LRRC36: variants seen among roughly 807,000 people sequenced by gnomAD.
LRRC36 encodes the protein leucine rich repeat containing 36.
Under a neutral mutation model 81.1 loss-of-function variants are expected in LRRC36, and 62 were observed. The ratio of observed to expected loss-of-function variants is 0.76; its 90% confidence interval spans 0.62 to 0.94. The LOEUF (loss-of-function observed/expected upper bound fraction) is 0.94. Ranked by LOEUF, LRRC36 falls within the 40% of genes least tolerant of loss-of-function variation. The pLI, the probability that LRRC36 is intolerant of heterozygous loss-of-function variation, is 0.00. For synonymous variants in LRRC36, 334 were observed against 348.6 expected, an observed-to-expected ratio of 0.96 and a Z score of 0.47; for missense variants, 761 against 881.7, an observed-to-expected ratio of 0.86 and a Z score of 1.73.
intron 1 of LRRC36, among the ~76,000 whole-genome samples, chr16:67,329,183 A>T (rs539152325): frequency 6.6e-6 from 1 of 152,312 alleles, no homozygotes; most frequent in Admixed American, 6.5e-5. Context: ...AGTTGGGATT[A>T]TAAGTGCAAG....
At chr16:67,346,145 G>T in intron 2 of LRRC36, 111 bp from the exon 3 acceptor site, 1 of 690,528 alleles carries the variant, frequency 1.4e-6, no homozygotes, top group Non-Finnish European at 2.3e-6. Context: ...TTCTCACGGG[G>T]ACTTGGATAA....
chr16:67,341,056 C>CAT (rs1372626536), intron 1 of LRRC36, among the ~76,000 whole-genome samples: 12 of 115,306 alleles, frequency 1.0e-4, no homozygotes, highest in African/African-American at 3.4e-4. Flanking sequence ...ATGTACTCTA[C>CAT]ATATTCTATA....
In LRRC36 at chr16:67,375,386, CCCT is replaced by C. The variant is rs2039849204; in HGVS notation, c.1642_1644del (p.Leu548del). 1 of 1,586,428 alleles carries C rather than the reference CCCT, an allele frequency of 6.3e-7. No homozygotes were observed. Among genetic ancestry groups the C allele is most frequent in the Non-Finnish European group, 8.5e-7 (1 of 1,172,428 alleles). ...GATAAGCACTGGAATGGCTCCGGCT[CCCT>C]CCTCCTCAACAAGAAGTTTCTCGGT... On this transcript the variant is annotated inframe_deletion, in exon 10 of 14. Transcript: ENST00000329956.
intron 5 of LRRC36, among the ~76,000 whole-genome samples, chr16:67,360,536 T>C (rs16957349): frequency 0.089 from 13,494 of 152,238 alleles, 987 homozygotes; most frequent in African/African-American, 0.21. Flanking sequence ...CAACTAGCAG[T>C]TTCTGCTTCA....
In LRRC36 at chr16:67,371,113, G is replaced by T; in HGVS notation, c.1365G>T (p.Gly455=). 1 of 1,614,220 alleles carries T rather than the reference G, an allele frequency of 6.2e-7. No individual in the cohort carries two copies. The highest frequency in any genetic ancestry group is 1.1e-5 in the South Asian group (1 of 91,078). ...TPLRTLLLSP[G]TSEHRKIFTK... is the part of the protein sequence containing the mutation. ...TGCGGACACTGCTGTTGTCTCCTGGGACTTCAGAACACAGAAAGATTTTTA... is the reference window on the plus strand; with the variant it reads ...TGCGGACACTGCTGTTGTCTCCTGGTACTTCAGAACACAGAAAGATTTTTA... Residue 455 remains glycine, a synonymous_variant, in exon 9 of 14, where the codon GGG becomes GGT. Coordinates refer to ENST00000329956, the MANE Select transcript of LRRC36 (RefSeq NM_018296.6).
intron 5 of LRRC36, 77 bp from the exon 6 acceptor site, chr16:67,363,513 G>A: frequency 6.8e-7 from 1 of 1,471,944 alleles, no homozygotes; most frequent in Non-Finnish European, 9.3e-7. Flanking sequence ...TTTCCTTTTA[G>A]TATCTATCCA....
rs759610783 is a variant in LRRC36 at position 67,326,886 on chromosome 16, C to G, written c.24C>G (p.Asp8Glu). The G allele has an allele frequency of 2.5e-5, 36 of 1,461,560 alleles. No individual in the cohort carries two copies. The highest frequency in any genetic ancestry group is 3.0e-5 in the Non-Finnish European group (34 of 1,118,046). 90.5% of individuals were successfully genotyped at this position (1,461,560 alleles called of 1,614,324 possible). Residue 8 changes from aspartate to glutamate, a missense_variant, in exon 1 of 14, where the codon GAC becomes GAG. This residue lies in a region of LRRC36 where 263 missense variants were observed against 279.3 expected (regional missense o/e 0.94). Transcript: ENST00000329956. MAEQWELDEEGIRRLGAL... is the reference protein window; with the variant it reads MAEQWELEEEGIRRLGAL... ...GGATGGCGGAGCAATGGGAGCTGGACGAGGAAGGCATTCGCCGCCTGGGGG... is the reference window on the plus strand; with the variant it reads ...GGATGGCGGAGCAATGGGAGCTGGAGGAGGAAGGCATTCGCCGCCTGGGGG...
chr16:67,359,597 A>G (rs1167615123), intron 5 of LRRC36, among the ~76,000 whole-genome samples: 1 of 152,216 alleles, frequency 6.6e-6, no homozygotes, highest in African/African-American at 2.4e-5. Flanking sequence ...ACTGAATTGT[A>G]CACTATAAAA....
chr16:67,326,857 G>T lies in LRRC36; in HGVS notation c.-6G>T. ...GCGGGCGGTGGCAGGTGAGCGGCGG[G>T]CGGGGATGGCGGAGCAATGGGAGCT... On this transcript the variant is annotated 5_prime_UTR_variant, in exon 1 of 14. Coordinates refer to ENST00000329956, the MANE Select transcript of LRRC36 (RefSeq NM_018296.6). The T allele has an allele frequency of 7.0e-7, 1 of 1,432,770 alleles. No homozygotes were observed. The allele number at this position is 1,432,770 out of a possible 1,614,324, so 88.8% of individuals were successfully genotyped here.
intron 8 of LRRC36, among the ~76,000 whole-genome samples, chr16:67,370,163 A>G (rs2039573704): frequency 6.6e-6 from 1 of 152,220 alleles, no homozygotes; most frequent in Admixed American, 6.5e-5. Context: ...GAATTTATTA[A>G]TACAGATACA....
At chr16:67,380,860 T>C (rs2040080253) in intron 12 of LRRC36, among the ~76,000 whole-genome samples, 3 of 152,152 alleles carry the variant, frequency 2.0e-5, no homozygotes, top group African/African-American at 7.2e-5. Flanking sequence ...GCTAAACAAG[T>C]GGGGCCTCAC....
intron 13 of LRRC36, among the ~76,000 whole-genome samples, chr16:67,383,029 C>T (rs1451148774): frequency 6.9e-6 from 1 of 144,634 alleles, no homozygotes; most frequent in African/African-American, 2.6e-5. Flanking sequence ...GCCGAGATCG[C>T]GCCATTGCTC....
At chr16:67,366,222 A>G (rs1279292698) in intron 7 of LRRC36, among the ~76,000 whole-genome samples, 1 of 151,994 alleles carries the variant, frequency 6.6e-6, no homozygotes, top group Non-Finnish European at 1.5e-5. Flanking sequence ...CAGTGGCACA[A>G]TCAGAGCTCA....
At position 67,375,324 on chromosome 16, in the gene LRRC36, T is replaced by C. The variant is rs2039844904; in HGVS notation, c.1572T>C (p.His524=). The change falls in exon 10 of 14, where the codon CAT becomes CAC. Residue 524 remains histidine (H), a synonymous_variant. Coordinates refer to ENST00000329956, the MANE Select transcript of LRRC36 (RefSeq NM_018296.6). ...HSPPISARTP[H]VATVLRQLLE... ...CCCCCATCTCTGCCAGAACCCCCCA[T>C]GTGGCCACTGTCCTCAGACAGCTCC... The C allele has an allele frequency of 5.0e-6, 8 of 1,608,624 alleles. No individual in the cohort carries two copies. The highest frequency in any genetic ancestry group is 6.8e-6 in the Non-Finnish European group (8 of 1,177,440).
At chr16:67,373,842 T>C (rs1305660076) in intron 9 of LRRC36, among the ~76,000 whole-genome samples, 2 of 151,080 alleles carry the variant, frequency 1.3e-5, no homozygotes, top group Non-Finnish European at 2.9e-5. Flanking sequence ...CAAAACACTG[T>C]CTCCACTAAA....
chr16:67,382,357 T>C (rs1157606113), intron 13 of LRRC36, 110 bp downstream of exon 13: 7 of 717,458 alleles, frequency 9.8e-6, no homozygotes, highest in Non-Finnish European at 1.6e-5. Flanking sequence ...TGAACTCCAT[T>C]CTGTGTGTAA....
intron 5 of LRRC36, among the ~76,000 whole-genome samples, chr16:67,350,751 A>G (rs2038588942): frequency 6.6e-6 from 1 of 152,160 alleles, no homozygotes; most frequent in African/African-American, 2.4e-5. Flanking sequence ...TAAAGTGGTT[A>G]TGCCAGGCTG....
intron 2 of LRRC36, among the ~76,000 whole-genome samples, chr16:67,345,313 C>CAA (rs34575374): frequency 1.2e-4 from 11 of 88,176 alleles, no homozygotes; most frequent in South Asian, 3.5e-4. Flanking sequence ...TACCCTGTCT[C>CAA]AAAAAAAAAA....
At chr16:67,353,757 A>G (rs2038766884) in intron 5 of LRRC36, among the ~76,000 whole-genome samples, 1 of 152,172 alleles carries the variant, frequency 6.6e-6, no homozygotes, top group Non-Finnish European at 1.5e-5. Flanking sequence ...AGGTGGTTCT[A>G]CAGGTGAGGA....
Sources: allele counts gnomAD v4.1 joint callset (sites outside exome capture counted in the v4.1 genomes callset), GRCh38; gene constraint gnomAD v4.1.1; regional missense constraint gnomAD v4.1.1; transcripts MANE v1.5; gene names NCBI Gene and HGNC (gene_info 2026-07-23, HGNC 2026-07-21).